Variants in SWT1 observed in about 807,000 individuals in gnomAD.
The protein encoded by SWT1 is SWT1 RNA endoribonuclease homolog.
SWT1 carries 33 observed loss-of-function variants against 107.3 expected under a neutral mutation model. The ratio of observed to expected loss-of-function variants is 0.31; its 90% confidence interval spans 0.23 to 0.41. SWT1 has a LOEUF of 0.41. SWT1 is among the 10% of genes least tolerant of loss of function. The pLI is 1.00. For synonymous variants in SWT1, 345 were observed against 348.3 expected (o/e 0.99, Z 0.11); for missense variants, 898 against 1,028.9 (o/e 0.87, Z 1.74).
chr1:185,175,381 C>G (rs568158416), intron 5 of SWT1, among the ~76,000 whole-genome samples: 1 of 151,966 alleles, frequency 6.6e-6, no homozygotes, highest in South Asian at 2.1e-4. Flanking sequence ...CACACATCAC[C>G]GCACTGGGCT....
At chr1:185,179,051 A>G (rs1655809566) in intron 5 of SWT1, among the ~76,000 whole-genome samples, 1 of 152,136 alleles carries the variant, frequency 6.6e-6, no homozygotes, top group African/African-American at 2.4e-5. Flanking sequence ...TGGGCAGATC[A>G]CTTGGGGTCA....
intron 2 of SWT1, among the ~76,000 whole-genome samples, chr1:185,161,335 C>T (rs1326783625): frequency 2.0e-5 from 3 of 152,156 alleles, no homozygotes; most frequent in African/African-American, 4.8e-5. Flanking sequence ...GAATGGCCAG[C>T]GCTATGTGGC....
chr1:185,190,688 A>G lies in SWT1; in HGVS notation c.1523+46A>G. 2.6e-6 allele frequency: 3 copies of G among 1,170,298 alleles called. No individual in the cohort carries two copies. In the Admixed American group the frequency reaches 6.0e-5, roughly 23 times the overall value. The allele number at this position is 1,170,298 out of a possible 1,614,324, so 72.5% of individuals were successfully genotyped here. A position where few individuals can be genotyped will look rare whatever the true frequency, so the allele number is the denominator to read the frequency against. On this transcript the variant is annotated intron_variant, in intron 10 of 18. Coordinates refer to ENST00000367500, the MANE Select transcript of SWT1 (RefSeq NM_017673.7). ...ACTTTTTATTTTTAAAAAATAAACC[A>G]AATAATTTAAAAAAATCATATGGTA...
intron 13 of SWT1, among the ~76,000 whole-genome samples, chr1:185,210,459 C>T (rs897562044): frequency 1.3e-5 from 2 of 152,148 alleles, no homozygotes; most frequent in Non-Finnish European, 2.9e-5. Context: ...GTTTTCCTAA[C>T]ACCATTTACT....
chr1:185,229,204 A>G (rs1302814685), intron 15 of SWT1, among the ~76,000 whole-genome samples: 1 of 152,174 alleles, frequency 6.6e-6, no homozygotes, highest in Non-Finnish European at 1.5e-5. Flanking sequence ...ATCCAGGTGG[A>G]AAATGATGAT....
At chr1:185,183,484 T>G (rs147877285) in intron 7 of SWT1, among the ~76,000 whole-genome samples, 1 of 152,060 alleles carries the variant, frequency 6.6e-6, no homozygotes, top group Non-Finnish European at 1.5e-5. Flanking sequence ...AGTTCCACTG[T>G]GTTGGCCAGG....
At chr1:185,250,878 G>C (rs1661962489) in intron 16 of SWT1, among the ~76,000 whole-genome samples, 1 of 152,114 alleles carries the variant, frequency 6.6e-6, no homozygotes, top group Non-Finnish European at 1.5e-5. Flanking sequence ...GGCCAGGCAG[G>C]TCTCAAACTC....
chr1:185,261,753 T>C (rs1298918846), intron 16 of SWT1, among the ~76,000 whole-genome samples: 1 of 152,108 alleles, frequency 6.6e-6, no homozygotes, highest in Non-Finnish European at 1.5e-5. Context: ...CTGTTTTTAT[T>C]AAAAGTCTAA....
At chr1:185,196,560 A>G (rs1657408295) in intron 10 of SWT1, among the ~76,000 whole-genome samples, 1 of 152,328 alleles carries the variant, frequency 6.6e-6, no homozygotes, top group Middle Eastern at 3.4e-3. Flanking sequence ...CATTGAATCA[A>G]TAAATTACTT....
intron 17 of SWT1, among the ~76,000 whole-genome samples, chr1:185,273,243 A>T (rs1013058153): frequency 5.3e-5 from 8 of 152,106 alleles, no homozygotes; most frequent in Admixed American, 5.2e-4. Context: ...CATCTCTACT[A>T]AAAGTACAAA....
intron 16 of SWT1, among the ~76,000 whole-genome samples, chr1:185,265,291 G>T (rs1663292236): frequency 6.6e-6 from 1 of 151,908 alleles, no homozygotes; most frequent in Non-Finnish European, 1.5e-5. Context: ...ACTATATATG[G>T]CATTTTTTTC....
At chr1:185,286,483 C>T (rs923914349) in intron 18 of SWT1, among the ~76,000 whole-genome samples, 5 of 152,136 alleles carry the variant, frequency 3.3e-5, no homozygotes, top group Admixed American at 6.5e-5. Flanking sequence ...CTCAGCCTCC[C>T]AAAGTGCTGG....
At position 185,285,222 on chromosome 1, in the gene SWT1, G is replaced by A. The variant is rs1413503091; in HGVS notation, c.2574-5452G>A. Among the ~76,000 whole-genome samples the A allele has an allele frequency of 5.3e-5, 8 of 152,164 alleles. No individual in the cohort carries two copies. In the East Asian group the frequency reaches 9.6e-4, roughly 18 times the overall value. ...CAGCCTTCTTCAGGGCTTCTCAGCA[G>A]TGAGACAGTGTGCCCCACCCCGACA... On this transcript the variant is annotated intron_variant, in intron 18 of 18. Transcript: ENST00000367500.
At chr1:185,205,562 T>C (rs1253373912) in intron 12 of SWT1, among the ~76,000 whole-genome samples, 1 of 152,154 alleles carries the variant, frequency 6.6e-6, no homozygotes, top group East Asian at 1.9e-4. Flanking sequence ...AGAGACGAGG[T>C]TTCACCATGT....
chr1:185,239,489 CAA>C (rs1420883272), intron 16 of SWT1, among the ~76,000 whole-genome samples: 1 of 151,958 alleles, frequency 6.6e-6, no homozygotes, highest in Non-Finnish European at 1.5e-5. Flanking sequence ...CCTAATTTTG[CAA>C]AGTTAGAAAA....
intron 17 of SWT1, among the ~76,000 whole-genome samples, chr1:185,272,843 C>G (rs773511015): frequency 3.3e-5 from 5 of 151,904 alleles, no homozygotes; most frequent in Non-Finnish European, 7.4e-5. Flanking sequence ...CAAGACCAGT[C>G]TGGGCAACAC....
At chr1:185,240,059 A>G (rs758736835) in intron 16 of SWT1, among the ~76,000 whole-genome samples, 14 of 152,076 alleles carry the variant, frequency 9.2e-5, no homozygotes, top group South Asian at 4.1e-4. Context: ...GAAAGCTAAT[A>G]TTCAAAGCAA....
chr1:185,251,750 G>A (rs758467985), intron 16 of SWT1, among the ~76,000 whole-genome samples: 1 of 150,982 alleles, frequency 6.6e-6, no homozygotes, highest in Non-Finnish European at 1.5e-5. Context: ...TATCCAATCA[G>A]ACAATTTGTT....
intron 14 of SWT1, among the ~76,000 whole-genome samples, chr1:185,221,046 C>G (rs938912999): frequency 1.9e-4 from 13 of 68,674 alleles, no homozygotes; most frequent in African/African-American, 9.2e-4. Flanking sequence ...TGTGCGTGCA[C>G]ACAGACACAC....
Sources: gnomAD v4.1 joint callset for allele counts (sites outside exome capture counted in the v4.1 genomes callset) on GRCh38, gnomAD v4.1.1 for gene constraint, MANE v1.5 for transcripts, NCBI Gene and HGNC (gene_info 2026-07-23, HGNC 2026-07-21) for gene names.